The following SDK2 variants were observed in gnomAD, a reference collection of about 807,000 sequenced individuals.
The protein encoded by SDK2 is protein sidekick-2.
Under a neutral mutation model 253.9 loss-of-function variants are expected in SDK2, and 105 were observed. That is an observed-to-expected ratio of 0.41 (90% CI 0.35 to 0.49). The LOEUF is 0.49. SDK2 is among the 20% of genes least tolerant of loss of function. The pLI, the probability that SDK2 is intolerant of heterozygous loss-of-function variation, is 0.06. For synonymous variants in SDK2, 1,249 were observed against 1,234.9 expected (o/e 1.01, Z -0.24); for missense variants, 2,608 against 3,003.0 (o/e 0.87, Z 3.07).
chr17:73,414,635 C>T lies in SDK2; in HGVS notation c.2484+9G>A, dbSNP rs1427006258. ...GGCCTCCTCTTGGGTGAGGAGATGC[C>T]TCATGTACCTTGTAGCCCTGGTTGA... On this transcript the variant is annotated intron_variant, in intron 18 of 44. Transcript: ENST00000392650. 5 of 1,608,468 alleles carry T rather than the reference C, an allele frequency of 3.1e-6. No individual in the cohort carries two copies. The African/African-American group carries it at 4.0e-5, about 13-fold the overall frequency.
chr17:73,554,568 C>A (rs756672414), intron 1 of SDK2, among the ~76,000 whole-genome samples: 6 of 152,194 alleles, frequency 3.9e-5, no homozygotes, highest in Non-Finnish European at 7.3e-5. Context: ...AAAACAACCC[C>A]CATAACACCT....
In SDK2 at chr17:73,511,533, C is replaced by T. The variant is rs544384003; in HGVS notation, c.65-3936G>A. Among the ~76,000 whole-genome samples the T allele has an allele frequency of 2.4e-4, 37 of 152,122 alleles. No homozygotes were observed. The highest frequency in any genetic ancestry group is 4.9e-4 in the Non-Finnish European group (33 of 68,018). ...CTCCAGAGGCTGCTGGAGATAATGA[C>T]TCTGGGGAGGAGGAGAGGGAAGGGG... On this transcript the variant is annotated intron_variant, in intron 1 of 44. Transcript: ENST00000392650. The surrounding 1 kb of genome is among the most constrained non-coding windows in gnomAD (Gnocchi z 4.9).
chr17:73,408,762 C>T (rs182750909), intron 18 of SDK2, among the ~76,000 whole-genome samples: 34 of 152,122 alleles, frequency 2.2e-4, no homozygotes, highest in Admixed American at 1.8e-3. Flanking sequence ...ATCTATAGAT[C>T]GACTGAGACC....
chr17:73,422,793 G>A (rs1239599225), intron 14 of SDK2, among the ~76,000 whole-genome samples: 1 of 152,140 alleles, frequency 6.6e-6, no homozygotes, highest in Admixed American at 6.5e-5. Flanking sequence ...AGGCTGAGGC[G>A]GGCAGATCAC....
intron 12 of SDK2, among the ~76,000 whole-genome samples, chr17:73,424,493 G>C (rs1216723469): frequency 6.6e-6 from 1 of 152,188 alleles, no homozygotes; most frequent in Non-Finnish European, 1.5e-5. Flanking sequence ...TTCTGAATTA[G>C]TTTTATGAGG....
chr17:73,414,593 C>T (rs1019438606), intron 18 of SDK2, 51 bp downstream of exon 18: 6 of 1,426,854 alleles, frequency 4.2e-6, no homozygotes, highest in Non-Finnish European at 5.9e-6. Flanking sequence ...CTCCCCACCC[C>T]CTCCAGAAGA....
intron 18 of SDK2, among the ~76,000 whole-genome samples, chr17:73,404,835 C>T (rs184481876): frequency 2.6e-4 from 39 of 152,188 alleles, no homozygotes; most frequent in Non-Finnish European, 4.6e-4. Flanking sequence ...ATATGAAATT[C>T]CCCCTTAGAG....
At chr17:73,634,836 G>A (rs1028584404) in intron 1 of SDK2, among the ~76,000 whole-genome samples, 2 of 152,150 alleles carry the variant, frequency 1.3e-5, no homozygotes, top group Admixed American at 1.3e-4. Flanking sequence ...GCTTAGCACA[G>A]CTCGTTAAAC....
At chr17:73,344,940 ACCTCCTTCAGG>A (rs2062470008) in intron 44 of SDK2, among the ~76,000 whole-genome samples, 1 of 152,038 alleles carries the variant, frequency 6.6e-6, no homozygotes, top group African/African-American at 2.4e-5. Context: ...AATAAATGCC[ACCTCCTTCAGG>A]CAGCCCTCTC....
At chr17:73,350,536 A>G in intron 42 of SDK2, 114 bp downstream of exon 42, 1 of 1,409,078 alleles carries the variant, frequency 7.1e-7, no homozygotes. Flanking sequence ...CCCACCCACC[A>G]GAGCAGGTGC....
At chr17:73,600,156 C>A (rs1419980952) in intron 1 of SDK2, among the ~76,000 whole-genome samples, 1 of 152,202 alleles carries the variant, frequency 6.6e-6, no homozygotes, top group African/African-American at 2.4e-5. Flanking sequence ...GAGCCCGGGG[C>A]AGACCCTCAC....
chr17:73,507,466 C>T lies in SDK2; in HGVS notation c.196G>A (p.Glu66Lys), dbSNP rs1379355287. The part of the protein sequence containing the change: ...LEFKWLHNNR[E>K]LTKFSLEYRY... ...TATTCCAGGGAGAACTTGGTCAGCT[C>T]CCTGTTGTTGTGGAGCCACTTGAAC... The change falls in exon 2 of 45, where the codon GAG becomes AAG. Residue 66 changes from glutamate (E) to lysine (K), a missense_variant. Glu to Lys is a moderately conservative substitution (Grantham distance 56). This residue lies in a region of SDK2 where 1,505 missense variants were observed against 1,859.1 expected (regional missense o/e 0.81). Coordinates refer to ENST00000392650, the MANE Select transcript of SDK2 (RefSeq NM_001144952.2). 2.4e-5 allele frequency: 37 copies of T among 1,551,478 alleles called. No homozygotes were observed. Among genetic ancestry groups the T allele is most frequent in the Non-Finnish European group, 3.1e-5 (35 of 1,146,944 alleles).
chr17:73,468,772 G>A (rs184052808), intron 3 of SDK2, among the ~76,000 whole-genome samples: 184 of 149,196 alleles, frequency 1.2e-3, no homozygotes, highest in African/African-American at 4.2e-3. Flanking sequence ...TGATCCACCC[G>A]CCTTGGCTTC....
At chr17:73,591,250 G>A (rs1478365173) in intron 1 of SDK2, among the ~76,000 whole-genome samples, 1 of 152,184 alleles carries the variant, frequency 6.6e-6, no homozygotes, top group Non-Finnish European at 1.5e-5. Flanking sequence ...CATTTCTCCT[G>A]TCCAGACAGC....
intron 44 of SDK2, among the ~76,000 whole-genome samples, chr17:73,347,251 T>C (rs764754433): frequency 6.6e-6 from 1 of 152,136 alleles, no homozygotes; most frequent in Non-Finnish European, 1.5e-5. Flanking sequence ...TCCCAGCTAC[T>C]CTGGAGGCTG....
At chr17:73,559,603 CCG>C (rs1491268459) in intron 1 of SDK2, among the ~76,000 whole-genome samples, 11 of 133,100 alleles carry the variant, frequency 8.3e-5, no homozygotes, top group South Asian at 2.4e-4. Context: ...CCTGTGCCCC[CCG>C]CCCCCGCCAC....
At chr17:73,504,215 TGAGA>T (rs1157339927) in intron 2 of SDK2, 144 of 81,770 alleles carry the variant, frequency 1.8e-3, no homozygotes, top group African/African-American at 3.3e-3. Context: ...TGTGTGTGTG[TGAGA>T]GAGAGAGAGA....
At chr17:73,425,682 T>C (rs990583817) in intron 12 of SDK2, among the ~76,000 whole-genome samples, 1 of 152,068 alleles carries the variant, frequency 6.6e-6, no homozygotes, top group Non-Finnish European at 1.5e-5. Flanking sequence ...TAATTTTGTA[T>C]TTTTAGTAGA....
chr17:73,528,606 C>T (rs1041871419), intron 1 of SDK2, among the ~76,000 whole-genome samples: 1 of 152,172 alleles, frequency 6.6e-6, no homozygotes, highest in Non-Finnish European at 1.5e-5. Flanking sequence ...AGGTGAACAG[C>T]GAGGGCTGCT....
Sources: allele counts gnomAD v4.1 joint callset (sites outside exome capture counted in the v4.1 genomes callset), GRCh38; gene constraint gnomAD v4.1.1; regional missense constraint gnomAD v4.1.1; non-coding constraint Gnocchi (gnomAD v3.1); transcripts MANE v1.5; gene names NCBI Gene and HGNC (gene_info 2026-07-23, HGNC 2026-07-21).